The following MPPED2 variants were observed in gnomAD, a reference collection of about 807,000 sequenced individuals.
The protein encoded by MPPED2 is metallophosphoesterase MPPED2.
MPPED2 carries 5 observed loss-of-function variants against 33.0 expected under a neutral mutation model. That is an observed-to-expected ratio of 0.15 (90% confidence interval 0.08 to 0.32). MPPED2 has a LOEUF of 0.32. Ranked by LOEUF, MPPED2 falls within the 10% of genes least tolerant of loss-of-function variation. The pLI is 1.00. For synonymous variants in MPPED2, 136 were observed against 141.9 expected, an observed-to-expected ratio of 0.96 and a Z score of 0.29; for missense variants, 275 against 372.1, an observed-to-expected ratio of 0.74 and a Z score of 2.15.
rs145574880 is a variant in MPPED2 at position 30,567,574 on chromosome 11, A to G, written c.128+12672T>C. 3.0e-3 allele frequency among the ~76,000 whole-genome samples: 453 copies of G among 152,278 alleles called. 1 individual carries two copies. Among genetic ancestry groups the G allele is most frequent in the African/African-American group, 0.011 (442 of 41,554 alleles). Reference sequence around the variant, plus strand: ...AGTTACTAAGTGACTAATTTAATACATTGGCTACACGTCTTAATCCCAAAG... The same window carrying G: ...AGTTACTAAGTGACTAATTTAATACGTTGGCTACACGTCTTAATCCCAAAG... On this transcript the variant is annotated intron_variant, in intron 2 of 6. Transcript: ENST00000358117.
chr11:30,528,537 G>C (rs886902739), intron 3 of MPPED2, among the ~76,000 whole-genome samples: 3 of 152,172 alleles, frequency 2.0e-5, no homozygotes, highest in Admixed American at 6.5e-5. Context: ...GATTATAGGC[G>C]TGAGCCACCG....
At chr11:30,417,472 A>G (rs2133769753) in intron 5 of MPPED2, 46 bp downstream of exon 5, 5 of 1,039,484 alleles carry the variant, frequency 4.8e-6, no homozygotes, top group East Asian at 2.5e-5. Flanking sequence ...TTATGCCTGG[A>G]AAAAAAGGCA....
At chr11:30,556,500 T>A (rs964823398) in intron 2 of MPPED2, among the ~76,000 whole-genome samples, 2 of 152,238 alleles carry the variant, frequency 1.3e-5, no homozygotes, top group African/African-American at 4.8e-5. Context: ...TCATGAACAT[T>A]GTTTGGAAAA....
At chr11:30,539,673 T>C (rs919998517) in intron 2 of MPPED2, among the ~76,000 whole-genome samples, 1 of 152,114 alleles carries the variant, frequency 6.6e-6, no homozygotes, top group African/African-American at 2.4e-5. Flanking sequence ...CAGGCTGGAG[T>C]GCAGTGGTAC....
chr11:30,462,200 G>T (rs1950539522), intron 4 of MPPED2, among the ~76,000 whole-genome samples: 1 of 152,160 alleles, frequency 6.6e-6, no homozygotes, highest in African/African-American at 2.4e-5. Context: ...GCTTTCCAGG[G>T]TAAAGATGTC....
At chr11:30,490,346 A>T (rs749089675) in intron 4 of MPPED2, among the ~76,000 whole-genome samples, 2 of 152,240 alleles carry the variant, frequency 1.3e-5, no homozygotes, top group African/African-American at 4.8e-5. Flanking sequence ...TGAGAAAAAA[A>T]CAACAATAGG....
intron 3 of MPPED2, among the ~76,000 whole-genome samples, chr11:30,515,089 T>A (rs927938353): frequency 1.3e-5 from 2 of 152,126 alleles, no homozygotes; most frequent in African/African-American, 4.8e-5. Flanking sequence ...AGTGAGACTC[T>A]ATCTCAAAAC....
intron 3 of MPPED2, among the ~76,000 whole-genome samples, chr11:30,531,981 T>G (rs1954551061): frequency 6.6e-6 from 1 of 152,142 alleles, no homozygotes; most frequent in Admixed American, 6.5e-5. Context: ...GAAATTGGAG[T>G]CTGATGGACG....
chr11:30,431,250 A>G (rs183816148), intron 4 of MPPED2, among the ~76,000 whole-genome samples: 38 of 152,314 alleles, frequency 2.5e-4, no homozygotes, highest in Non-Finnish European at 5.1e-4. Context: ...TCTGGCACAC[A>G]GCGTGTGTGT....
Position 30,410,566 on chromosome 11 carries a change from C to T in MPPED2, c.*902G>A. 4.1e-6 allele frequency: 4 copies of T among 985,760 alleles called. No individual in the cohort carries two copies. Among genetic ancestry groups the T allele is most frequent in the Non-Finnish European group, 4.8e-6 (4 of 829,938 alleles). The allele number at this position is 985,760 out of a possible 1,614,324, so 61.1% of individuals were successfully genotyped here. On this transcript the variant is annotated 3_prime_UTR_variant, in exon 7 of 7. Transcript: ENST00000358117. ...TGCCTGTAACTGTACCTAGATTTAA[C>T]TCAAGCTCTTTAAGACCTTGAGCTC...
intron 3 of MPPED2, among the ~76,000 whole-genome samples, chr11:30,511,507 G>C (rs567550687): frequency 6.6e-6 from 1 of 152,284 alleles, no homozygotes; most frequent in Admixed American, 6.5e-5. Flanking sequence ...AATATTTTCT[G>C]TCTGTCTAGC....
At chr11:30,480,850 G>A (rs1233606024) in intron 4 of MPPED2, among the ~76,000 whole-genome samples, 1 of 152,044 alleles carries the variant, frequency 6.6e-6, no homozygotes, top group African/African-American at 2.4e-5. Context: ...GTGATAATGA[G>A]CATTTTACAA....
chr11:30,516,922 A>G (rs1308309994), intron 3 of MPPED2, among the ~76,000 whole-genome samples: 1 of 152,228 alleles, frequency 6.6e-6, no homozygotes, highest in Non-Finnish European at 1.5e-5. Flanking sequence ...AATTTCTCCA[A>G]TGGATGCAAA....
At chr11:30,446,625 G>A (rs1413128462) in intron 4 of MPPED2, among the ~76,000 whole-genome samples, 1 of 152,136 alleles carries the variant, frequency 6.6e-6, no homozygotes, top group African/African-American at 2.4e-5. Context: ...TATCTACAGA[G>A]CCTGCTCAGT....
downstream of MPPED2, among the ~76,000 whole-genome samples, chr11:30,407,432 GCTCC>G (rs1278900136): frequency 6.6e-6 from 1 of 152,186 alleles, no homozygotes; most frequent in Non-Finnish European, 1.5e-5. Context: ...GGGAAGTTAG[GCTCC>G]CTTATCCGCC....
intron 4 of MPPED2, among the ~76,000 whole-genome samples, chr11:30,474,218 G>A (rs1333298403): frequency 6.6e-6 from 1 of 152,166 alleles, no homozygotes; most frequent in East Asian, 1.9e-4. Flanking sequence ...CACCACCACG[G>A]TTGAGAGTGT....
chr11:30,556,322 A>G (rs1454818242), intron 2 of MPPED2, among the ~76,000 whole-genome samples: 2 of 152,140 alleles, frequency 1.3e-5, no homozygotes, highest in Non-Finnish European at 2.9e-5. Context: ...GCCATTCCCC[A>G]ACCTCCAAAC....
intron 4 of MPPED2, among the ~76,000 whole-genome samples, chr11:30,432,068 C>T (rs1949102695): frequency 6.6e-6 from 1 of 151,614 alleles, no homozygotes; most frequent in African/African-American, 2.4e-5. Flanking sequence ...ACTTGGGAGG[C>T]TGAAGCATGA....
In MPPED2 at chr11:30,410,532, G is replaced by A; in HGVS notation, c.*936C>T. The A allele has an allele frequency of 3.0e-6, 3 of 985,678 alleles. No homozygotes were observed. The highest frequency in any genetic ancestry group is 3.6e-6 in the Non-Finnish European group (3 of 829,904). 61.1% of individuals were successfully genotyped at this position (985,678 alleles called of 1,614,324 possible). ...GTTAGCTTCCATTGCATCCATTTAA[G>A]TCTATACATGCCTGTAACTGTACCT... On this transcript the variant is annotated 3_prime_UTR_variant, in exon 7 of 7. Coordinates refer to ENST00000358117, the MANE Select transcript of MPPED2 (RefSeq NM_001584.3).
Sources: gnomAD v4.1 joint callset for allele counts (sites outside exome capture counted in the v4.1 genomes callset) on GRCh38, gnomAD v4.1.1 for gene constraint, MANE v1.5 for transcripts, NCBI Gene and HGNC (gene_info 2026-07-23, HGNC 2026-07-21) for gene names.